GRID2: variants seen among roughly 807,000 people sequenced by gnomAD.
The protein encoded by GRID2 is glutamate ionotropic receptor delta type subunit 2.
GRID2 carries 33 observed loss-of-function variants against 114.8 expected under a neutral mutation model. That is an observed-to-expected ratio of 0.29 (90% CI 0.22 to 0.38). The LOEUF is 0.38. Among genes scored for constraint, GRID2 ranks in the 10% least tolerant of loss-of-function variants. The pLI, the probability that GRID2 is intolerant of heterozygous loss-of-function variation, is 1.00. For synonymous variants in GRID2, 505 were observed against 449.9 expected (o/e 1.12, Z -1.55); for missense variants, 1,184 against 1,257.7 (o/e 0.94, Z 0.89).
chr4:93,455,130 C>T (rs770453476), intron 10 of GRID2, among the ~76,000 whole-genome samples: 4 of 152,026 alleles, frequency 2.6e-5, no homozygotes, highest in African/African-American at 4.8e-5. Flanking sequence ...AGGCATATGA[C>T]ACCTTAGTGC....
intron 10 of GRID2, among the ~76,000 whole-genome samples, chr4:93,438,102 T>C (rs1721274384): frequency 6.6e-6 from 1 of 152,134 alleles, no homozygotes; most frequent in South Asian, 2.1e-4. Context: ...TCCATTTATC[T>C]GCACATGTTT....
intron 2 of GRID2, among the ~76,000 whole-genome samples, chr4:92,593,928 A>T (rs1481292990): frequency 6.7e-6 from 1 of 150,298 alleles, no homozygotes; most frequent in Admixed American, 6.7e-5. Flanking sequence ...AAATACAAAA[A>T]GAAAAAAAAA....
At chr4:93,254,045 AT>A (rs1264866305) in intron 8 of GRID2, among the ~76,000 whole-genome samples, 1 of 152,126 alleles carries the variant, frequency 6.6e-6, no homozygotes, top group African/African-American at 2.4e-5. Context: ...TACCAAAGTT[AT>A]ATAGAAAGCT....
rs1403386435 is a variant in GRID2, at chr4:93,281,090, G to A, written c.1245+42600G>A. 2.0e-5 allele frequency among the ~76,000 whole-genome samples: 3 copies of A among 151,728 alleles called. No homozygotes were observed. In the Admixed American group the frequency reaches 2.0e-4, roughly 10 times the overall value. On this transcript the variant is annotated intron_variant, in intron 8 of 15. Coordinates refer to ENST00000282020, the MANE Select transcript of GRID2 (RefSeq NM_001510.4). Reference sequence around the variant, plus strand: ...ATGATACATTATACTATTTTGATAAGTGCTTTAAAGAAAAATAAAGCAGAG... The same window carrying A: ...ATGATACATTATACTATTTTGATAAATGCTTTAAAGAAAAATAAAGCAGAG...
At chr4:93,233,332 A>T (rs199827888) in intron 7 of GRID2, among the ~76,000 whole-genome samples, 1,699 of 95,576 alleles carry the variant, frequency 0.018, 15 homozygotes, top group East Asian at 0.034. Context: ...TATTATTATT[A>T]TTATTTTTTT....
rs1010789967 is a variant in GRID2, at chr4:92,338,520, C to A, written c.88+33776C>A. ...ATTGTTCCTGGTGTTGAGACTCTTA[C>A]AATATAGGAACATACACAAAAACAT... On this transcript the variant is annotated intron_variant, in intron 1 of 15. Transcript: ENST00000282020. Among the ~76,000 whole-genome samples the A allele has an allele frequency of 4.6e-5, 7 of 151,866 alleles. No homozygotes were observed. The East Asian group carries it at 1.4e-3, about 29-fold the overall frequency.
chr4:92,321,171 T>TAA (rs1467186389), intron 1 of GRID2, among the ~76,000 whole-genome samples: 1 of 152,186 alleles, frequency 6.6e-6, no homozygotes, highest in Non-Finnish European at 1.5e-5. Context: ...ATGGCAGAAG[T>TAA]AAAGCCTGAA....
rs183770829 is a variant in GRID2, at chr4:92,355,509, T to C, written c.88+50765T>C. On this transcript the variant is annotated intron_variant, in intron 1 of 15. Coordinates refer to ENST00000282020, the MANE Select transcript of GRID2 (RefSeq NM_001510.4). ...TTCTTTTAGGGTGACTTTCATACTA[T>C]GAAGAAAAAAAGGTCATAAGGGTAA... Among the ~76,000 whole-genome samples, 761 of 151,854 alleles carry C rather than the reference T, an allele frequency of 5.0e-3. 3 individuals carry two copies. The highest frequency in any genetic ancestry group is 0.019 in the South Asian group (92 of 4,826).
intron 2 of GRID2, among the ~76,000 whole-genome samples, chr4:92,835,191 TAA>T (rs33949803): frequency 0.022 from 3,202 of 146,802 alleles, 116 homozygotes; most frequent in African/African-American, 0.072. Context: ...CTGAAAGAGG[TAA>T]AAAAAAAAAA....
chr4:92,578,733 A>AATCAATCTATCT (rs1553902724), intron 1 of GRID2, among the ~76,000 whole-genome samples: 1 of 149,334 alleles, frequency 6.7e-6, no homozygotes, highest in Non-Finnish European at 1.5e-5. Flanking sequence ...TCTATCTATC[A>AATCAATCTATCT]ATCTATCTAT....
chr4:92,395,849 G>T (rs986075985), intron 1 of GRID2, among the ~76,000 whole-genome samples: 1 of 151,752 alleles, frequency 6.6e-6, no homozygotes, highest in African/African-American at 2.4e-5. Flanking sequence ...AATTATTTTT[G>T]AGCTGATGTG....
At chr4:92,377,068 C>T (rs1729389521) in intron 1 of GRID2, among the ~76,000 whole-genome samples, 1 of 152,130 alleles carries the variant, frequency 6.6e-6, no homozygotes. Context: ...CTGCAGCCTG[C>T]TTGAATTTCT....
intron 4 of GRID2, among the ~76,000 whole-genome samples, chr4:93,172,576 G>A (rs1273138758): frequency 6.6e-6 from 1 of 151,482 alleles, no homozygotes; most frequent in African/African-American, 2.4e-5. Flanking sequence ...TGGGCGACAG[G>A]GCGAGACTCC....
intron 4 of GRID2, among the ~76,000 whole-genome samples, chr4:93,202,228 TA>T (rs1195689860): frequency 6.6e-6 from 1 of 152,142 alleles, no homozygotes; most frequent in African/African-American, 2.4e-5. Flanking sequence ...AAATCAATAT[TA>T]TTTTAATACC....
intron 10 of GRID2, among the ~76,000 whole-genome samples, chr4:93,425,490 G>A (rs1768752987): frequency 6.6e-6 from 1 of 152,084 alleles, no homozygotes; most frequent in South Asian, 2.1e-4. Flanking sequence ...TGACTTAAAG[G>A]AACTCAAAAT....
intron 1 of GRID2, among the ~76,000 whole-genome samples, chr4:92,437,325 C>T (rs998164981): frequency 1.3e-5 from 2 of 152,168 alleles, no homozygotes; most frequent in African/African-American, 4.8e-5. Context: ...TGTAGCCCAG[C>T]CTGGAGTGCA....
At chr4:92,409,990 G>C (rs2110298219) in intron 1 of GRID2, among the ~76,000 whole-genome samples, 1 of 152,266 alleles carries the variant, frequency 6.6e-6, no homozygotes, top group Non-Finnish European at 1.5e-5. Flanking sequence ...CCTTGGAGTA[G>C]TCTCTCTAGT....
intron 1 of GRID2, among the ~76,000 whole-genome samples, chr4:92,501,154 A>C (rs1723663554): frequency 6.6e-6 from 1 of 152,108 alleles, no homozygotes; most frequent in South Asian, 2.1e-4. Flanking sequence ...GGGAATTCTC[A>C]ATGATTTGTT....
At chr4:93,736,918 C>G (rs1730974131) in intron 14 of GRID2, among the ~76,000 whole-genome samples, 1 of 150,594 alleles carries the variant, frequency 6.6e-6, no homozygotes, top group Admixed American at 6.6e-5. Flanking sequence ...TGTGGATGAC[C>G]TTTGATTTAA....
Sources: allele counts gnomAD v4.1 joint callset (sites outside exome capture counted in the v4.1 genomes callset), GRCh38; gene constraint gnomAD v4.1.1; transcripts MANE v1.5; gene names NCBI Gene and HGNC (gene_info 2026-07-23, HGNC 2026-07-21).